SCFD2: variants seen among roughly 807,000 people sequenced by gnomAD.
SCFD2 encodes the protein sec1 family domain-containing protein 2.
In SCFD2, 54 loss-of-function variants were observed where a neutral mutation model predicts 58.9. The ratio of observed to expected loss-of-function variants is 0.92; its 90% confidence interval spans 0.74 to 1.15. The LOEUF is 1.15. SCFD2 is among the 50% of genes most tolerant of loss of function. The pLI is 0.00. For missense variants in SCFD2, 805 were observed against 836.6 expected (o/e 0.96, Z 0.47); for synonymous variants, 321 against 335.9 (o/e 0.96, Z 0.49).
chr4:53,097,976 T>C (rs1348772109), intron 5 of SCFD2, among the ~76,000 whole-genome samples: 1 of 152,250 alleles, frequency 6.6e-6, no homozygotes, highest in African/African-American at 2.4e-5. Context: ...GAGATAATCA[T>C]GTGGCTTTTG....
intron 3 of SCFD2, among the ~76,000 whole-genome samples, chr4:53,305,153 T>G (rs1432105046): frequency 1.3e-5 from 2 of 152,202 alleles, no homozygotes; most frequent in East Asian, 3.8e-4. Flanking sequence ...AATATTTCAT[T>G]ATATATTAAC....
At chr4:52,879,154 G>T (rs1718546652) in intron 8 of SCFD2, among the ~76,000 whole-genome samples, 1 of 152,114 alleles carries the variant, frequency 6.6e-6, no homozygotes, top group Admixed American at 6.6e-5. Context: ...TGGTGGCAGT[G>T]GTCAGCCTCC....
At chr4:53,082,770 C>A (rs534158463) in intron 5 of SCFD2, among the ~76,000 whole-genome samples, 1 of 152,192 alleles carries the variant, frequency 6.6e-6, no homozygotes, top group South Asian at 2.1e-4. Context: ...TCTTCTCTGG[C>A]CCACAGACAT....
At position 53,056,854 on chromosome 4, in the gene SCFD2, G is replaced by A. The variant is rs192637440; in HGVS notation, c.1561+88479C>T. ...AGAAGGAAGAGTAATAATGAGGAAGGAGATACTGGGAAAAGGAGGAAAGTC... is the reference window on the plus strand; with the variant it reads ...AGAAGGAAGAGTAATAATGAGGAAGAAGATACTGGGAAAAGGAGGAAAGTC... On this transcript the variant is annotated intron_variant, in intron 5 of 8. Coordinates refer to ENST00000401642, the MANE Select transcript of SCFD2 (RefSeq NM_152540.4). Among the ~76,000 whole-genome samples, 5 of 152,176 alleles carry A rather than the reference G, an allele frequency of 3.3e-5. No homozygotes were observed. In the East Asian group the frequency reaches 9.7e-4, roughly 29 times the overall value.
In SCFD2 at chr4:53,306,976, T is replaced by A. The variant is rs183316961; in HGVS notation, c.1135+6660A>T. On this transcript the variant is annotated intron_variant, in intron 3 of 8. Transcript: ENST00000401642. ...GGAAAAAGATGGCACGCCAACTGCA[T>A]CCTGGCAGGAAGAAGCCAGGCAAAC... 1.4e-4 allele frequency among the ~76,000 whole-genome samples: 21 copies of A among 152,346 alleles called. No individual in the cohort carries two copies. In the East Asian group the frequency reaches 3.9e-3, roughly 28 times the overall value.
At chr4:53,051,937 A>T (rs1391166541) in intron 5 of SCFD2, among the ~76,000 whole-genome samples, 1 of 152,198 alleles carries the variant, frequency 6.6e-6, no homozygotes, top group Non-Finnish European at 1.5e-5. Flanking sequence ...AAGAATAATG[A>T]CTGGTCCCTC....
chr4:53,325,792 C>A (rs1396256440), intron 2 of SCFD2, among the ~76,000 whole-genome samples: 1 of 152,156 alleles, frequency 6.6e-6, no homozygotes, highest in Non-Finnish European at 1.5e-5. Flanking sequence ...GCAACATTAA[C>A]CCTTCAGTTC....
chr4:52,893,214 C>T (rs551644359), intron 7 of SCFD2, among the ~76,000 whole-genome samples: 1 of 152,148 alleles, frequency 6.6e-6, no homozygotes, highest in East Asian at 1.9e-4. Flanking sequence ...CTCTCCCTTT[C>T]TTTCTTTTCT....
rs1007809757 is a variant in SCFD2, at chr4:53,248,593, C to T, written c.1311+25233G>A. Among the ~76,000 whole-genome samples the T allele has an allele frequency of 3.3e-5, 5 of 152,212 alleles. 1 individual carries two copies. Among genetic ancestry groups the T allele is most frequent in the Admixed American group, 3.3e-4 (5 of 15,288 alleles). ...GGAGATCTGAGAATGGGCAGACTGCCTCCTCAAGTGGGTCCCTGACCCCTG... is the reference window on the plus strand; with the variant it reads ...GGAGATCTGAGAATGGGCAGACTGCTTCCTCAAGTGGGTCCCTGACCCCTG... On this transcript the variant is annotated intron_variant, in intron 4 of 8. Transcript: ENST00000401642.
intron 7 of SCFD2, among the ~76,000 whole-genome samples, chr4:52,905,767 A>T (rs1318831414): frequency 6.6e-6 from 1 of 152,092 alleles, no homozygotes; most frequent in African/African-American, 2.4e-5. Flanking sequence ...TGTAGAAAAC[A>T]CTCTGCAGAA....
chr4:53,284,609 C>T (rs1035405883), intron 3 of SCFD2, among the ~76,000 whole-genome samples: 14 of 152,048 alleles, frequency 9.2e-5, no homozygotes, highest in Middle Eastern at 3.2e-3. Context: ...TTGTACAATG[C>T]GTTCAACAGA....
At chr4:53,258,366 G>A (rs543759991) in intron 4 of SCFD2, among the ~76,000 whole-genome samples, 10 of 151,804 alleles carry the variant, frequency 6.6e-5, no homozygotes, top group African/African-American at 2.4e-4. Flanking sequence ...TCATTCTTAT[G>A]TCTTTGTGTC....
intron 3 of SCFD2, among the ~76,000 whole-genome samples, chr4:53,296,879 C>G (rs1018016446): frequency 7.2e-5 from 11 of 152,192 alleles, no homozygotes; most frequent in Non-Finnish European, 1.5e-4. Context: ...TTATTTCCGC[C>G]TTTATTTCCT....
chr4:53,164,804 A>AAAAAAAAAAG (rs1553882340), intron 4 of SCFD2, among the ~76,000 whole-genome samples: 2 of 143,890 alleles, frequency 1.4e-5, no homozygotes, highest in African/African-American at 2.7e-5. Context: ...AAAAAAAAAA[A>AAAAAAAAAAG]AAGAAGAAGA....
At chr4:53,078,421 G>A (rs1321843226) in intron 5 of SCFD2, among the ~76,000 whole-genome samples, 1 of 152,026 alleles carries the variant, frequency 6.6e-6, no homozygotes, top group Non-Finnish European at 1.5e-5. Flanking sequence ...AACAATTTGT[G>A]GCAAAGTTCA....
intron 4 of SCFD2, among the ~76,000 whole-genome samples, chr4:53,237,883 G>T (rs555957926): frequency 2.1e-5 from 1 of 48,372 alleles, no homozygotes. Context: ...CCTCCCTGAC[G>T]GGGCGGCTGG....
chr4:53,282,449 T>G (rs1199302325), intron 3 of SCFD2, among the ~76,000 whole-genome samples: 7 of 152,170 alleles, frequency 4.6e-5, no homozygotes, highest in Non-Finnish European at 1.5e-5. Flanking sequence ...TAATGATATC[T>G]TTAATATCCG....
intron 4 of SCFD2, among the ~76,000 whole-genome samples, chr4:53,194,477 C>T (rs914693506): frequency 6.6e-6 from 1 of 152,128 alleles, no homozygotes; most frequent in Admixed American, 6.6e-5. Flanking sequence ...TATGAAAATC[C>T]ACTCTAGTAA....
chr4:52,903,071 C>A (rs1399137589), intron 7 of SCFD2, among the ~76,000 whole-genome samples: 1 of 152,190 alleles, frequency 6.6e-6, no homozygotes, highest in Admixed American at 6.5e-5. Context: ...TCTGTGAGGT[C>A]ACATTTTTCC....
Sources: allele counts gnomAD v4.1 joint callset (sites outside exome capture counted in the v4.1 genomes callset), GRCh38; gene constraint gnomAD v4.1.1; transcripts MANE v1.5; gene names NCBI Gene and HGNC (gene_info 2026-07-23, HGNC 2026-07-21).